NEB: variants seen among roughly 807,000 people sequenced by gnomAD.
The protein encoded by NEB is nebulin, also known as nemaline myopathy type 2.
Under a neutral mutation model 952.2 loss-of-function variants are expected in NEB, and 512 were observed. That is an observed-to-expected ratio of 0.54 (90% CI 0.50 to 0.58). NEB has a LOEUF of 0.58. Among genes scored for constraint, NEB ranks in the 20% least tolerant of loss-of-function variants. The probability of loss-of-function intolerance (pLI) is 0.00; values close to 1 mark genes in which losing one functional copy is unlikely to be tolerated. For synonymous variants in NEB, 2,900 were observed against 3,149.8 expected (o/e 0.92, Z 2.66); for missense variants, 8,428 against 9,231.1 (o/e 0.91, Z 3.56).
At chr2:151,650,939 A>C in intron 52 of NEB, 54 bp from the exon 53 acceptor site, 93 of 1,464,148 alleles carry the variant, frequency 6.4e-5, no homozygotes, top group Non-Finnish European at 7.9e-5. Flanking sequence ...AGTTAAGCTC[A>C]ACTTGCTTTT....
intron 117 of NEB, among the ~76,000 whole-genome samples, chr2:151,564,168 T>A (rs868775782): frequency 8.5e-4 from 129 of 152,194 alleles, no homozygotes; most frequent in African/African-American, 3.0e-3. Context: ...ATTTTTATGT[T>A]TTTTGAGACA....
At chr2:151,694,459 A>G in intron 19 of NEB, 23 bp from the exon 20 acceptor site, 1 of 1,612,828 alleles carries the variant, frequency 6.2e-7, no homozygotes, top group South Asian at 1.1e-5. Context: ...CACACATGCC[A>G]GATTCCACTC....
At chr2:151,527,624 T>G (rs1235487732) in intron 146 of NEB, 39 bp from the exon 147 acceptor site, 1 of 1,465,324 alleles carries the variant, frequency 6.8e-7, no homozygotes, top group Non-Finnish European at 9.5e-7. Context: ...CTTGATTCAG[T>G]AGGCTAAATT....
Position 151,644,523 on chromosome 2 carries a change from G to A in NEB, c.7589C>T (p.Pro2530Leu), listed in dbSNP as rs1315888310. 1.2e-6 allele frequency: 2 copies of A among 1,613,806 alleles called. No homozygotes were observed. The highest frequency in any genetic ancestry group is 1.6e-4 in the Middle Eastern group (1 of 6,084). Reference protein sequence around the residue: ...EELKRKGYDLPVDAIPIKAAK... With the variant: ...EELKRKGYDLLVDAIPIKAAK... ...TGCTTTGATTGGTATGGCATCAACA[G>A]GAAGATCGTAACCTTTTCTCTTCAG... is the stretch of plus-strand genomic sequence containing the variant. Residue 2530 changes from proline (P) to leucine (L), a missense_variant, in exon 56 of 182, where the codon CCT becomes CTT. Physicochemically the swap from Pro to Leu is moderately conservative, Grantham distance 98. Transcript: ENST00000397345.
intron 180 of NEB, 75 bp from the exon 181 acceptor site, chr2:151,490,152 G>T (rs1477488722): frequency 2.4e-6 from 3 of 1,261,704 alleles, no homozygotes; most frequent in Admixed American, 4.3e-5. Context: ...TAGCAGCTGA[G>T]TGATGTCTTT....
At chr2:151,728,073 G>T (rs183961132) in intron 4 of NEB, among the ~76,000 whole-genome samples, 167 bp from the exon 5 acceptor site, 6 of 152,298 alleles carry the variant, frequency 3.9e-5, no homozygotes, top group Admixed American at 3.9e-4. Context: ...CCGTATGAAG[G>T]CACATTATGT....
chr2:151,528,855 T>C (rs2088450321), intron 146 of NEB, among the ~76,000 whole-genome samples: 1 of 152,180 alleles, frequency 6.6e-6, no homozygotes, highest in Non-Finnish European at 1.5e-5. Context: ...ATTGTAGAGT[T>C]TGAGGCAGGA....
chr2:151,538,375 A>T (rs2093540411), intron 138 of NEB, 131 bp from the exon 139 acceptor site: 2 of 666,646 alleles, frequency 3.0e-6, no homozygotes, highest in Admixed American at 2.8e-5. Flanking sequence ...TTAAAAGCTT[A>T]TTTCAGACCC....
chr2:151,725,509 T>C lies in NEB; in HGVS notation c.346A>G (p.Thr116Ala), dbSNP rs906530273. The change falls in exon 6 of 182, where the codon ACA becomes GCA. Residue 116 changes from threonine to alanine, a missense_variant. Physicochemically the swap from Thr to Ala is moderately conservative, Grantham distance 58 (BLOSUM62 0). Around this residue, in one of 11 missense-constraint regions of NEB, gnomAD observed 2,851 missense variants for 2,791.5 expected, o/e 1.02. Transcript: ENST00000397345. Reference protein sequence around the residue: ...EKTKGQPYASTTDTPELRRIK... With the variant: ...EKTKGQPYASATDTPELRRIK... ...CTGCGAAGTTCTGGAGTATCTGTTG[T>C]GCTGGCGTATGGCTGTCCTTTTGTT... 22 of 1,613,846 alleles carry C rather than the reference T, an allele frequency of 1.4e-5. No homozygotes were observed. Among genetic ancestry groups the C allele is most frequent in the Non-Finnish European group, 1.9e-5 (22 of 1,179,754 alleles).
chr2:151,575,046 T>C (rs538231036), intron 107 of NEB, among the ~76,000 whole-genome samples: 28 of 152,346 alleles, frequency 1.8e-4, no homozygotes, highest in Middle Eastern at 3.4e-3. Context: ...AGCTGGTCTA[T>C]AGTTTTTAAT....
rs183354017 is a variant in NEB, at chr2:151,643,286, T to C, written c.8024A>G (p.Asp2675Gly). Residue 2675 changes from aspartate (D) to glycine (G), a missense_variant, in exon 58 of 182, where the codon GAT (aspartate) becomes GGT (glycine). Asp to Gly is a moderately conservative substitution (Grantham distance 94, BLOSUM62 -1). Coordinates refer to ENST00000397345, the MANE Select transcript of NEB (RefSeq NM_001164508.2). Reference protein sequence around the residue: ...IGWMTSGSLEDEKNKRATQIL... With the variant: ...IGWMTSGSLEGEKNKRATQIL... ...CTGGGTGGCTCGTTTATTTTTCTCA[T>C]CCTCGAGAGAACCACTAGTCATCCA... 255 of 1,613,898 alleles carry C rather than the reference T, an allele frequency of 1.6e-4. 1 individual carries two copies. The highest frequency in any genetic ancestry group is 8.7e-4 in the Admixed American group (52 of 60,020).
At chr2:151,710,657 T>C in intron 10 of NEB, 119 bp from the exon 11 acceptor site, 1 of 576,334 alleles carries the variant, frequency 1.7e-6, no homozygotes, top group Non-Finnish European at 2.9e-6. Context: ...TCTTAGGTCC[T>C]TAATAAATGC....
intron 75 of NEB, 24 bp downstream of exon 75, chr2:151,617,340 T>C (rs1337531111): frequency 3.1e-5 from 47 of 1,494,974 alleles, no homozygotes; most frequent in Non-Finnish European, 3.7e-5. Context: ...TTTCTGTTCA[T>C]TACAAGATCA....
At chr2:151,531,954 T>A (rs2091354769) in intron 143 of NEB, 58 bp from the exon 144 acceptor site, 1 of 1,072,328 alleles carries the variant, frequency 9.3e-7, no homozygotes, top group Admixed American at 2.1e-5. Flanking sequence ...CTTTAAGGTA[T>A]CTAATTGTCC....
At chr2:151,672,895 T>C (rs2099317655) in intron 36 of NEB, among the ~76,000 whole-genome samples, 1 of 152,254 alleles carries the variant, frequency 6.6e-6, no homozygotes, top group South Asian at 2.1e-4. Context: ...TTTTCTTTGC[T>C]ATGACTCCTA....
At chr2:151,654,777 T>C (rs902781769) in intron 51 of NEB, among the ~76,000 whole-genome samples, 2 of 152,176 alleles carry the variant, frequency 1.3e-5, no homozygotes, top group African/African-American at 4.8e-5. Context: ...GTAATTGAGT[T>C]ACCCAGTACT....
chr2:151,540,629 G>A, intron 137 of NEB, 68 bp downstream of exon 137: 5 of 1,367,312 alleles, frequency 3.7e-6, no homozygotes, highest in Non-Finnish European at 4.2e-6. Flanking sequence ...ATCAGAGGTA[G>A]CAGGGGAAGG....
intron 95 of NEB, 135 bp downstream of exon 95, chr2:151,591,899 T>C (rs1288477001): frequency 5.1e-6 from 7 of 1,369,190 alleles, no homozygotes; most frequent in East Asian, 2.5e-5. Context: ...CACAGCTACT[T>C]ATCATTAACT....
chr2:151,654,721 T>G (rs531694264), intron 51 of NEB, among the ~76,000 whole-genome samples: 6 of 152,204 alleles, frequency 3.9e-5, no homozygotes, highest in Admixed American at 6.5e-5. Context: ...TCATAGGCAC[T>G]TTTATGGTCC....
Sources: allele counts gnomAD v4.1 joint callset (sites outside exome capture counted in the v4.1 genomes callset), GRCh38; gene constraint gnomAD v4.1.1; regional missense constraint gnomAD v4.1.1; transcripts MANE v1.5; gene names NCBI Gene and HGNC (gene_info 2026-07-23, HGNC 2026-07-21).